The following ASCC3 variants were observed in gnomAD, a reference collection of about 807,000 sequenced individuals.
ASCC3 encodes ASC-1 complex subunit P200.
Under a neutral mutation model 256.3 loss-of-function variants are expected in ASCC3, and 158 were observed. The observed-to-expected ratio is 0.62, with a 90% confidence interval of 0.54 to 0.70. ASCC3 has a LOEUF of 0.70. ASCC3 is among the 30% of genes least tolerant of loss of function. The probability of loss-of-function intolerance (pLI) is 0.00; values close to 1 mark genes in which losing one functional copy is unlikely to be tolerated. For missense variants in ASCC3, 2,259 were observed against 2,626.0 expected, an observed-to-expected ratio of 0.86 and a Z score of 3.05; for synonymous variants, 948 against 883.4, an observed-to-expected ratio of 1.07 and a Z score of -1.30.
intron 10 of ASCC3, among the ~76,000 whole-genome samples, chr6:100,730,025 C>T (rs1232409238): frequency 6.6e-6 from 1 of 152,144 alleles, no homozygotes; most frequent in East Asian, 1.9e-4. Context: ...TACCACTGGG[C>T]TGTGTGCAGT....
chr6:100,542,826 A>G (rs1775530756), intron 36 of ASCC3, among the ~76,000 whole-genome samples: 1 of 152,134 alleles, frequency 6.6e-6, no homozygotes, highest in Admixed American at 6.5e-5. Context: ...TGTTAAAGTC[A>G]TTGTTCAGGC....
At chr6:100,849,305 C>T (rs184779527) in intron 3 of ASCC3, among the ~76,000 whole-genome samples, 2 of 152,100 alleles carry the variant, frequency 1.3e-5, no homozygotes, top group South Asian at 4.1e-4. Context: ...GAGACACTAG[C>T]TAAAACTCAC....
At chr6:100,609,483 C>T (rs79915123) in intron 30 of ASCC3, among the ~76,000 whole-genome samples, 2,345 of 150,916 alleles carry the variant, frequency 0.016, 24 homozygotes, top group East Asian at 0.045. Context: ...TTTTGAAACT[C>T]ATGTTGTAGA....
At chr6:100,829,087 C>T (rs1323663106) in intron 4 of ASCC3, among the ~76,000 whole-genome samples, 3 of 152,044 alleles carry the variant, frequency 2.0e-5, no homozygotes, top group African/African-American at 7.2e-5. Flanking sequence ...TACAGAGTGT[C>T]GATTGGTGTA....
intron 4 of ASCC3, among the ~76,000 whole-genome samples, chr6:100,833,741 G>A (rs984264248): frequency 1.3e-5 from 2 of 152,150 alleles, no homozygotes; most frequent in African/African-American, 4.8e-5. Flanking sequence ...TGAAGGATGT[G>A]TCATTCAGAG....
chr6:100,824,477 A>C (rs1377100384), intron 4 of ASCC3, among the ~76,000 whole-genome samples: 1 of 152,200 alleles, frequency 6.6e-6, no homozygotes, highest in Non-Finnish European at 1.5e-5. Flanking sequence ...AGTAGGCAGA[A>C]TATCTTGATG....
chr6:100,701,411 C>T (rs773479563), intron 13 of ASCC3, among the ~76,000 whole-genome samples: 5 of 152,068 alleles, frequency 3.3e-5, no homozygotes, highest in African/African-American at 4.8e-5. Context: ...CTCCTCCTTG[C>T]CTTTTGCCAT....
chr6:100,693,976 C>G (rs1777959295), intron 13 of ASCC3, among the ~76,000 whole-genome samples: 2 of 152,076 alleles, frequency 1.3e-5, no homozygotes, highest in Admixed American at 1.3e-4. Flanking sequence ...AACCTCATGA[C>G]AGCAATTCCT....
At chr6:100,644,884 A>C (rs979935056) in intron 22 of ASCC3, among the ~76,000 whole-genome samples, 6 of 152,200 alleles carry the variant, frequency 3.9e-5, no homozygotes, top group African/African-American at 1.4e-4. Context: ...AAAATCCTGA[A>C]AACATTTGAG....
chr6:100,713,707 C>A (rs1483015834), intron 13 of ASCC3, among the ~76,000 whole-genome samples: 1 of 151,946 alleles, frequency 6.6e-6, no homozygotes, highest in Non-Finnish European at 1.5e-5. Context: ...TAAAACTTCT[C>A]TTAAAAAAAC....
Position 100,601,660 on chromosome 6 carries a change from G to C in ASCC3, c.5303+150C>G. On this transcript the variant is annotated intron_variant, in intron 34 of 41. Transcript: ENST00000369162. ...ATATTTTATATACTGTGATACCAGA[G>C]ATATCATCTGATTCTTTAGACAAAT... is the stretch of plus-strand genomic sequence containing the variant. 7.4e-6 allele frequency: 6 copies of C among 806,482 alleles called. No homozygotes were observed. In the South Asian group the frequency reaches 8.8e-5, roughly 12 times the overall value. The allele number at this position is 806,482 out of a possible 1,614,324, so 50.0% of individuals were successfully genotyped here. A position where few individuals can be genotyped will look rare whatever the true frequency, so the allele number is the denominator to read the frequency against.
intron 14 of ASCC3, among the ~76,000 whole-genome samples, chr6:100,664,342 A>C (rs1776370116): frequency 6.6e-6 from 1 of 152,088 alleles, no homozygotes; most frequent in Non-Finnish European, 1.5e-5. Context: ...GGTCACTTAA[A>C]ATTTTAAACT....
Position 100,830,829 on chromosome 6 carries a change from T to C in ASCC3, c.801+17319A>G, listed in dbSNP as rs189755071. Among the ~76,000 whole-genome samples the C allele has an allele frequency of 7.9e-5, 12 of 152,320 alleles. No individual in the cohort carries two copies. The East Asian group carries it at 2.3e-3, about 29-fold the overall frequency. ...ACTAAGTTATGGGAACCTATACTCA[T>C]ATAAAACTAAAAACGGGGTTAAAGT... On this transcript the variant is annotated intron_variant, in intron 4 of 41. Transcript: ENST00000369162.
intron 4 of ASCC3, among the ~76,000 whole-genome samples, chr6:100,811,371 TTAA>T (rs1414667798): frequency 1.3e-5 from 2 of 152,282 alleles, no homozygotes; most frequent in Non-Finnish European, 2.9e-5. Flanking sequence ...ACCAATTCTG[TTAA>T]TAATACAACA....
chr6:100,573,882 T>C (rs1770724222), intron 36 of ASCC3, among the ~76,000 whole-genome samples: 1 of 152,142 alleles, frequency 6.6e-6, no homozygotes, highest in Admixed American at 6.6e-5. Flanking sequence ...AAATGTTTAG[T>C]TGGAGTACCC....
intron 14 of ASCC3, among the ~76,000 whole-genome samples, chr6:100,667,561 A>G (rs1343365694): frequency 6.6e-6 from 1 of 152,108 alleles, no homozygotes; most frequent in Non-Finnish European, 1.5e-5. Context: ...AGATGGAGGC[A>G]GGGGAAACAG....
At chr6:100,877,597 C>T (rs979276986) in intron 1 of ASCC3, among the ~76,000 whole-genome samples, 4 of 152,138 alleles carry the variant, frequency 2.6e-5, no homozygotes, top group African/African-American at 7.2e-5. Flanking sequence ...TAATTTCTTA[C>T]TTGTATTAAA....
chr6:100,871,772 C>G (rs917139280), intron 1 of ASCC3, among the ~76,000 whole-genome samples: 2 of 152,182 alleles, frequency 1.3e-5, no homozygotes, highest in African/African-American at 4.8e-5. Context: ...GAATTCAGTG[C>G]ATAGCCTGGC....
intron 4 of ASCC3, among the ~76,000 whole-genome samples, chr6:100,834,152 A>G (rs1287140671): frequency 6.6e-6 from 1 of 152,204 alleles, no homozygotes; most frequent in Non-Finnish European, 1.5e-5. Flanking sequence ...TAATAAAAGG[A>G]GGGAATCAGT....
Sources: gnomAD v4.1 joint callset for allele counts (sites outside exome capture counted in the v4.1 genomes callset) on GRCh38, gnomAD v4.1.1 for gene constraint, MANE v1.5 for transcripts, NCBI Gene and HGNC (gene_info 2026-07-23, HGNC 2026-07-21) for gene names.